BCO1: variants seen among roughly 807,000 people sequenced by gnomAD.
BCO1 encodes the protein beta-carotene oxygenase 1.
A neutral mutation model predicts 56.3 loss-of-function variants in BCO1; 54 were observed. That is an observed-to-expected ratio of 0.96 (90% CI 0.77 to 1.20). BCO1 has a LOEUF of 1.20. Ranked by LOEUF, BCO1 falls within the 50% of genes most tolerant of loss-of-function variation. The probability of loss-of-function intolerance (pLI) is 0.00; values close to 1 mark genes in which losing one functional copy is unlikely to be tolerated. For missense variants in BCO1, 801 were observed against 690.9 expected (o/e 1.16, Z -1.79); for synonymous variants, 318 against 266.1 (o/e 1.20, Z -1.90).
intron 2 of BCO1, among the ~76,000 whole-genome samples, chr16:81,250,521 G>A (rs1597348498): frequency 1.3e-5 from 2 of 149,390 alleles, no homozygotes; most frequent in Non-Finnish European, 3.0e-5. Context: ...CTGATAAGCT[G>A]AAAACAAAGC....
chr16:81,270,300 A>G lies in BCO1; in HGVS notation c.985A>G (p.Asn329Asp), dbSNP rs920475663. Reference protein sequence around the residue: ...IVFDVIAYEDNSLYQLFYLAN... With the variant: ...IVFDVIAYEDDSLYQLFYLAN... ...GTTTGACGTCATTGCCTACGAGGAC[A>G]ACAGCCTCTACCAGCTCTTCTACCT... is the stretch of plus-strand genomic sequence containing the variant. The change falls in exon 7 of 11, where the codon AAC becomes GAC. Residue 329 changes from asparagine to aspartate, a missense_variant. Asn to Asp is a conservative substitution (Grantham distance 23, BLOSUM62 1). Coordinates refer to ENST00000258168, the MANE Select transcript of BCO1 (RefSeq NM_017429.3). 2 of 1,614,160 alleles carry G rather than the reference A, an allele frequency of 1.2e-6. No homozygotes were observed. Among genetic ancestry groups the G allele is most frequent in the Non-Finnish European group, 1.7e-6 (2 of 1,180,026 alleles).
intron 1 of BCO1, 38 bp downstream of exon 1, chr16:81,239,010 T>A: frequency 6.5e-7 from 1 of 1,545,790 alleles, no homozygotes. Flanking sequence ...TTTCTTCTAT[T>A]TATTTTATTA....
At chr16:81,275,243 C>T (rs1231640037) in intron 7 of BCO1, among the ~76,000 whole-genome samples, 1 of 152,226 alleles carries the variant, frequency 6.6e-6, no homozygotes, top group Non-Finnish European at 1.5e-5. Context: ...TGTCTGAAAC[C>T]CTGTCCTCCT....
At chr16:81,241,817 C>T (rs747262131) in intron 1 of BCO1, among the ~76,000 whole-genome samples, 10 of 152,168 alleles carry the variant, frequency 6.6e-5, no homozygotes, top group Non-Finnish European at 1.5e-4. Context: ...AAAAACTGTG[C>T]CTGGGTTGAC....
chr16:81,242,291 C>G (rs1419342565), intron 1 of BCO1, among the ~76,000 whole-genome samples: 1 of 150,632 alleles, frequency 6.6e-6, no homozygotes, highest in East Asian at 1.9e-4. Context: ...ATCTCCTCCT[C>G]CTAGGTTCAA....
At position 81,262,151 on chromosome 16, in the gene BCO1, G is replaced by A; in HGVS notation, c.339G>A (p.Leu113=). The part of the protein sequence containing the change: ...KNIFSKAFSY[L]SHTIPDFTDN... ...TTCTCCCCAGAGCTTTCTCCTACTT[G>A]TCTCACACCATCCCCGATTTCACCG... is the stretch of plus-strand genomic sequence containing the variant. The change falls in exon 4 of 11, where the codon TTG becomes TTA. Residue 113 remains leucine, a synonymous_variant. Transcript: ENST00000258168. 1 of 1,613,904 alleles carries A rather than the reference G, an allele frequency of 6.2e-7. No individual in the cohort carries two copies. Among genetic ancestry groups the A allele is most frequent in the African/African-American group, 1.3e-5 (1 of 75,016 alleles).
intron 2 of BCO1, among the ~76,000 whole-genome samples, chr16:81,254,893 C>T (rs1048795321): frequency 1.3e-5 from 2 of 152,028 alleles, no homozygotes; most frequent in Non-Finnish European, 2.9e-5. Context: ...ACCTCCCAGG[C>T]TCAAGTGATC....
At chr16:81,269,193 T>C (rs1248786615) in intron 6 of BCO1, among the ~76,000 whole-genome samples, 3 of 149,340 alleles carry the variant, frequency 2.0e-5, no homozygotes, top group Non-Finnish European at 4.4e-5. Flanking sequence ...CCCAACTCAC[T>C]TCCCCCCTCC....
intron 2 of BCO1, among the ~76,000 whole-genome samples, chr16:81,246,304 C>T (rs1335079468): frequency 6.6e-6 from 1 of 152,012 alleles, no homozygotes; most frequent in African/African-American, 2.4e-5. Context: ...TCTCAAAATC[C>T]TTATTCACAT....
At chr16:81,278,752 G>A (rs1380853774) in intron 7 of BCO1, among the ~76,000 whole-genome samples, 1 of 152,160 alleles carries the variant, frequency 6.6e-6, no homozygotes, top group Non-Finnish European at 1.5e-5. Flanking sequence ...CAATGCTCTT[G>A]CTTCTGGGCC....
rs267604656 is a variant in BCO1, at chr16:81,270,381, C to T, written c.1066C>T (p.Leu356Phe). ...ENSRLTSVPT[L>F]RRFAVPLHVD... ...CTCCAGGCTCACCTCGGTCCCCACC[C>T]TCAGGAGGTTTGCCGTGCCCCTCCA... The change falls in exon 7 of 11, where the codon CTC (leucine) becomes TTC (phenylalanine). Residue 356 changes from leucine to phenylalanine, a missense_variant. Coordinates refer to ENST00000258168, the MANE Select transcript of BCO1 (RefSeq NM_017429.3). 6.8e-6 allele frequency: 11 copies of T among 1,614,006 alleles called. No homozygotes were observed. The highest frequency in any genetic ancestry group is 5.0e-5 in the Admixed American group (3 of 59,982).
At chr16:81,261,397 A>G (rs1221989448) in intron 3 of BCO1, among the ~76,000 whole-genome samples, 1 of 152,214 alleles carries the variant, frequency 6.6e-6, no homozygotes, top group Non-Finnish European at 1.5e-5. Context: ...TTTTTAAATT[A>G]AAAACTAATT....
At chr16:81,272,208 G>A (rs1366957072) in intron 7 of BCO1, among the ~76,000 whole-genome samples, 1 of 150,264 alleles carries the variant, frequency 6.7e-6, no homozygotes, top group South Asian at 2.1e-4. Context: ...CCGCCTCCCA[G>A]GTTCAAGCCA....
chr16:81,268,964 G>T (rs2151941187), intron 6 of BCO1, among the ~76,000 whole-genome samples: 1 of 151,042 alleles, frequency 6.6e-6, no homozygotes, highest in African/African-American at 2.4e-5. Context: ...TTGGGGTCTT[G>T]CTATGTTGCC....
intron 2 of BCO1, among the ~76,000 whole-genome samples, chr16:81,251,080 C>T (rs941335898): frequency 1.3e-5 from 2 of 152,208 alleles, no homozygotes; most frequent in African/African-American, 4.8e-5. Flanking sequence ...ATCAGAAGAA[C>T]CATGGGCTAG....
At chr16:81,273,213 C>G (rs955770809) in intron 7 of BCO1, among the ~76,000 whole-genome samples, 5 of 152,126 alleles carry the variant, frequency 3.3e-5, no homozygotes, top group African/African-American at 9.7e-5. Flanking sequence ...GAACTCCTGA[C>G]CTCAAGTTAT....
chr16:81,287,846 C>T (rs1908271630), intron 10 of BCO1, among the ~76,000 whole-genome samples: 1 of 152,110 alleles, frequency 6.6e-6, no homozygotes, highest in African/African-American at 2.4e-5. Flanking sequence ...TGACAATACT[C>T]ACCGAGTATT....
In BCO1 at chr16:81,245,518, G is replaced by A; in HGVS notation, c.108G>A (p.Gly36=). 1 of 1,613,754 alleles carries A rather than the reference G, an allele frequency of 6.2e-7. No individual in the cohort carries two copies. The highest frequency in any genetic ancestry group is 8.5e-7 in the Non-Finnish European group (1 of 1,179,690). The part of the protein sequence containing the change: ...AWLQGTLLRN[G]PGMHTVGESR... ...TGCAGGGAACCCTGCTCCGCAATGG[G>A]CCTGGGATGCACACAGTTGGGGAGT... Residue 36 remains glycine (G), a synonymous_variant, in exon 2 of 11, where the codon GGG becomes GGA. Transcript: ENST00000258168.
In BCO1 at chr16:81,267,930, C is replaced by G. The variant is rs941247763; in HGVS notation, c.642C>G (p.Ser214Arg). 1 of 1,613,730 alleles carries G rather than the reference C, an allele frequency of 6.2e-7. No homozygotes were observed. The highest frequency in any genetic ancestry group is 1.3e-5 in the African/African-American group (1 of 74,862). The change falls in exon 6 of 11, where the codon AGC (serine) becomes AGG (arginine). Residue 214 changes from serine (S) to arginine (R), a missense_variant. Physicochemically the swap from Ser to Arg is moderately radical, Grantham distance 110 (BLOSUM62 -1). Coordinates refer to ENST00000258168, the MANE Select transcript of BCO1 (RefSeq NM_017429.3). ...TAGAGGGCAAGAAGCAGGGGAAGAG[C>G]CCCTGGAAGCACACAGAGGTGTTCT... ...TVPEGKKQGK[S>R]PWKHTEVFCS...
Sources: gnomAD v4.1 joint callset for allele counts (sites outside exome capture counted in the v4.1 genomes callset) on GRCh38, gnomAD v4.1.1 for gene constraint, MANE v1.5 for transcripts, NCBI Gene and HGNC (gene_info 2026-07-23, HGNC 2026-07-21) for gene names.